FNDC9: variants seen among roughly 807,000 people sequenced by gnomAD.
FNDC9 encodes fibronectin type III domain-containing protein 9.
FNDC9 carries 3 observed loss-of-function variants against 9.0 expected under a neutral mutation model. That is an observed-to-expected ratio of 0.33 (90% CI 0.15 to 0.86). The LOEUF is 0.86. Among genes scored for constraint, FNDC9 ranks in the 40% least tolerant of loss-of-function variants. The probability of loss-of-function intolerance (pLI) is 0.53; values close to 1 mark genes in which losing one functional copy is unlikely to be tolerated. For synonymous variants in FNDC9, 114 were observed against 115.6 expected, an observed-to-expected ratio of 0.99 and a Z score of 0.09; for missense variants, 279 against 287.2, an observed-to-expected ratio of 0.97 and a Z score of 0.21.
In FNDC9 at chr5:157,342,291, A is replaced by G. The variant is rs552462393; in HGVS notation, c.*571T>C. The G allele has an allele frequency of 2.0e-5, 3 of 152,776 alleles. No individual in the cohort carries two copies. Among genetic ancestry groups the G allele is most frequent in the African/African-American group, 7.2e-5 (3 of 41,578 alleles). 9.5% of individuals were successfully genotyped at this position (152,776 alleles called of 1,614,324 possible). A position where few individuals can be genotyped will look rare whatever the true frequency, so the allele number is the denominator to read the frequency against. ...TACGCTTAAAAAATGAGTCAATTTAAAGGAAAGTATTATTAATAATAGTGA... is the reference window on the plus strand; with the variant it reads ...TACGCTTAAAAAATGAGTCAATTTAGAGGAAAGTATTATTAATAATAGTGA... On this transcript the variant is annotated 3_prime_UTR_variant, in exon 2 of 2. Coordinates refer to ENST00000312349, the MANE Select transcript of FNDC9 (RefSeq NM_001001343.4).
In FNDC9 at chr5:157,342,204, C is replaced by CAGCAGGGAGGTGCTGCA. The variant is rs774180291; in HGVS notation, c.*657_*658insTGCAGCACCTCCCTGCT. ...TCTTATGTCTCTTCCCTTCTGTTTGCAGCAGGAGGGTGCTGGTTTTTCACT... is the reference window on the plus strand; with the variant it reads ...TCTTATGTCTCTTCCCTTCTGTTTGCAGCAGGGAGGTGCTGCAAGCAGGAGGGTGCTGGTTTTTCACT... On this transcript the variant is annotated 3_prime_UTR_variant, in exon 2 of 2. Coordinates refer to ENST00000312349, the MANE Select transcript of FNDC9 (RefSeq NM_001001343.4). 1 of 152,560 alleles carries CAGCAGGGAGGTGCTGCA rather than the reference C, an allele frequency of 6.6e-6. No homozygotes were observed. The highest frequency in any genetic ancestry group is 1.5e-5 in the Non-Finnish European group (1 of 68,038). 9.5% of individuals were successfully genotyped at this position (152,560 alleles called of 1,614,324 possible).
intron 1 of FNDC9, among the ~76,000 whole-genome samples, chr5:157,344,685 A>AT (rs1762550574): frequency 6.6e-6 from 1 of 152,334 alleles, no homozygotes; most frequent in South Asian, 2.1e-4. Context: ...GCATATTCAC[A>AT]TAACAGTCTC....
At chr5:157,345,196 G>A (rs909225141) in intron 1 of FNDC9, among the ~76,000 whole-genome samples, 9 of 152,176 alleles carry the variant, frequency 5.9e-5, no homozygotes, top group Admixed American at 2.0e-4. Flanking sequence ...GATGAAAAGA[G>A]CTTAATTCAT....
rs554801952 is a variant in FNDC9 at position 157,343,017 on chromosome 5, C to G, written c.520G>C (p.Asp174His). Residue 174 changes from aspartate to histidine, a missense_variant, in exon 2 of 2, where the codon GAC becomes CAC. By Grantham distance (81) the Asp-to-His change is moderately conservative. Coordinates refer to ENST00000312349, the MANE Select transcript of FNDC9 (RefSeq NM_001001343.4). ...TCCACCAGGGGGAGCCCCTGCAGGTCTTCCTCCCTCTGACCAAGATCCGGG... is the reference window on the plus strand; with the variant it reads ...TCCACCAGGGGGAGCCCCTGCAGGTGTTCCTCCCTCTGACCAAGATCCGGG... ...EAPDLGQREE[D>H]LQGLPLVEMP... The G allele has an allele frequency of 8.0e-5, 129 of 1,614,206 alleles. 1 individual carries two copies. The South Asian group carries it at 9.9e-4, about 12-fold the overall frequency.
rs776189689 is a variant in FNDC9 at position 157,343,300 on chromosome 5, C to G, written c.237G>C (p.Lys79Asn). The G allele has an allele frequency of 6.2e-7, 1 of 1,614,202 alleles. No individual in the cohort carries two copies. The highest frequency in any genetic ancestry group is 8.5e-7 in the Non-Finnish European group (1 of 1,180,028). Residue 79 changes from lysine to asparagine, a missense_variant, in exon 2 of 2, where the codon AAG becomes AAC. Lys to Asn is a moderately conservative substitution (Grantham distance 94). Transcript: ENST00000312349. ...STLYFLCISC[K>N]KAAFPYRHYC... ...AGTGCCTGTAAGGGAAGGCAGCCTT[C>G]TTACAGCTGATGCACAGGAAGTAGA...
Position 157,343,459 on chromosome 5 carries a change from G to A in FNDC9, c.78C>T (p.Asp26=). 1 of 1,612,268 alleles carries A rather than the reference G, an allele frequency of 6.2e-7. No homozygotes were observed. The highest frequency in any genetic ancestry group is 1.1e-5 in the South Asian group (1 of 91,066). ...TGGGCCTGTACATAATATGGTAATA[G>A]TCCTCCAGGCAGGGCTCCGAGGACG... ...SWSSSEPCLE[D]YYHIMYRPNW... The change falls in exon 2 of 2, where the codon GAC becomes GAT. Residue 26 remains aspartate, a synonymous_variant. Transcript: ENST00000312349.
At position 157,342,849 on chromosome 5, in the gene FNDC9, C is replaced by G. The variant is rs765245315; in HGVS notation, c.*13G>C. Reference sequence around the variant, plus strand: ...CTTTAGGCTACATGATGCGGGCGCTCTCCTCCCCACTCTCATTCCCCACAA... The same window carrying G: ...CTTTAGGCTACATGATGCGGGCGCTGTCCTCCCCACTCTCATTCCCCACAA... On this transcript the variant is annotated 3_prime_UTR_variant, in exon 2 of 2. Coordinates refer to ENST00000312349, the MANE Select transcript of FNDC9 (RefSeq NM_001001343.4). 2 of 1,601,168 alleles carry G rather than the reference C, an allele frequency of 1.2e-6. No homozygotes were observed. The highest frequency in any genetic ancestry group is 1.7e-6 in the Non-Finnish European group (2 of 1,173,000).
Position 157,342,957 on chromosome 5 carries a change from G to A in FNDC9, c.580C>T (p.Leu194=). 1 of 1,614,226 alleles carries A rather than the reference G, an allele frequency of 6.2e-7. No homozygotes were observed. Among genetic ancestry groups the A allele is most frequent in the Middle Eastern group, 1.6e-4 (1 of 6,062 alleles). ...GCATCCTGGTTGGCTTCGGGATCCA[G>A]TTCAGCTCCATCTCTGGAGTTCTTG... The part of the protein sequence containing the change: ...PRKNSRDGAE[L]DPEANQDAPD... Residue 194 remains leucine, a synonymous_variant, in exon 2 of 2, where the codon CTG becomes TTG. Coordinates refer to ENST00000312349, the MANE Select transcript of FNDC9 (RefSeq NM_001001343.4).
Position 157,343,362 on chromosome 5 carries a change from T to G in FNDC9, c.175A>C (p.Ser59Arg), listed in dbSNP as rs779224574. The change falls in exon 2 of 2, where the codon AGC becomes CGC. Residue 59 changes from serine (S) to arginine (R), a missense_variant. Transcript: ENST00000312349. Reference protein sequence around the residue: ...HHEEKVPRTISSVVLEHLAPS... With the variant: ...HHEEKVPRTIRSVVLEHLAPS... ...GCAAGATGTTCCAGCACCACGGAGCTGATCGTTCGAGGCACCTTCTCCTCG... is the reference window on the plus strand; with the variant it reads ...GCAAGATGTTCCAGCACCACGGAGCGGATCGTTCGAGGCACCTTCTCCTCG... The G allele has an allele frequency of 1.9e-6, 3 of 1,614,062 alleles. No homozygotes were observed. The highest frequency in any genetic ancestry group is 1.7e-5 in the Admixed American group (1 of 60,008).
rs1227525900 is a variant in FNDC9, at chr5:157,341,986, G to A, written c.*876C>T. The A allele has an allele frequency of 1.3e-5, 2 of 152,448 alleles. No homozygotes were observed. Among genetic ancestry groups the A allele is most frequent in the African/African-American group, 4.8e-5 (2 of 41,436 alleles). The allele number at this position is 152,448 out of a possible 1,614,324, so 9.4% of individuals were successfully genotyped here. On this transcript the variant is annotated 3_prime_UTR_variant, in exon 2 of 2. Coordinates refer to ENST00000312349, the MANE Select transcript of FNDC9 (RefSeq NM_001001343.4). ...AAGTAAAAACAGCACTTCCCTTTTCGATTCTCTTTCAAACCTTATGCTATA... is the reference window on the plus strand; with the variant it reads ...AAGTAAAAACAGCACTTCCCTTTTCAATTCTCTTTCAAACCTTATGCTATA...
chr5:157,343,348 C>G lies in FNDC9; in HGVS notation c.189G>C (p.Leu63=). The G allele has an allele frequency of 1.2e-6, 2 of 1,614,178 alleles. No homozygotes were observed. Among genetic ancestry groups the G allele is most frequent in the Non-Finnish European group, 8.5e-7 (1 of 1,180,026 alleles). Residue 63 remains leucine, a synonymous_variant, in exon 2 of 2, where the codon CTG becomes CTC. Coordinates refer to ENST00000312349, the MANE Select transcript of FNDC9 (RefSeq NM_001001343.4). ...KVPRTISSVV[L]EHLAPSTLYF... ...AGAGAGTGGAAGGGGCAAGATGTTC[C>G]AGCACCACGGAGCTGATCGTTCGAG... is the stretch of plus-strand genomic sequence containing the variant.
chr5:157,342,908 C>A lies in FNDC9; in HGVS notation c.629G>T (p.Arg210Met), dbSNP rs143433635. The change falls in exon 2 of 2, where the codon AGG (arginine) becomes ATG (methionine). Residue 210 changes from arginine (R) to methionine (M), a missense_variant. Transcript: ENST00000312349. ...TATAGCGGGTGGGTCACCACCCCCC[C>A]TCTGTAAGGCACCCGCATCAGGGGC... ...QDAPDAGALQ[R>M]GGGDPPAILP... 6.2e-7 allele frequency: 1 copy of A among 1,614,130 alleles called. No individual in the cohort carries two copies. The highest frequency in any genetic ancestry group is 8.5e-7 in the Non-Finnish European group (1 of 1,179,976).
Position 157,341,602 on chromosome 5 carries a change from A to G in FNDC9, c.*1260T>C, listed in dbSNP as rs1762262701. 1 of 162,350 alleles carries G rather than the reference A, an allele frequency of 6.2e-6. No individual in the cohort carries two copies. Among genetic ancestry groups the G allele is most frequent in the Admixed American group, 6.0e-5 (1 of 16,774 alleles). 10.1% of individuals were successfully genotyped at this position (162,350 alleles called of 1,614,324 possible). A position where few individuals can be genotyped will look rare whatever the true frequency, so the allele number is the denominator to read the frequency against. On this transcript the variant is annotated 3_prime_UTR_variant, in exon 2 of 2. Transcript: ENST00000312349. Reference sequence around the variant, plus strand: ...TAAGATCCAGGCAGAAACAGCTGTGAGTATATGAATCTTTATTTGTTCACA... The same window carrying G: ...TAAGATCCAGGCAGAAACAGCTGTGGGTATATGAATCTTTATTTGTTCACA...
rs760024969 is a variant in FNDC9 at position 157,343,204 on chromosome 5, G to A, written c.333C>T (p.Ile111=). The A allele has an allele frequency of 6.2e-7, 1 of 1,614,230 alleles. No individual in the cohort carries two copies. Among genetic ancestry groups the A allele is most frequent in the African/African-American group, 1.3e-5 (1 of 75,064 alleles). ...APGSSLVDPQ[I]SLWVLMAILL... ...GAATGGCCATCAGCACCCAAAGGGA[G>A]ATCTGGGGGTCTACCAGGGAGCTTC... Residue 111 remains isoleucine (I), a synonymous_variant, in exon 2 of 2, where the codon ATC becomes ATT. Coordinates refer to ENST00000312349, the MANE Select transcript of FNDC9 (RefSeq NM_001001343.4).
chr5:157,343,577 CCT>C, intron 1 of FNDC9, 34 bp from the exon 2 acceptor site: 2 of 1,476,694 alleles, frequency 1.4e-6, no homozygotes, highest in South Asian at 2.6e-5. Flanking sequence ...AGTGACATCC[CCT>C]GATTTAAGTA....
In FNDC9 at chr5:157,343,497, T is replaced by C; in HGVS notation, c.40A>G (p.Ile14Val). 7 of 1,596,638 alleles carry C rather than the reference T, an allele frequency of 4.4e-6. No individual in the cohort carries two copies. Among genetic ancestry groups the C allele is most frequent in the Non-Finnish European group, 6.0e-6 (7 of 1,167,784 alleles). ...GGCTCCGAGGACGACCAGGAGATGA[T>C]GGCTCCTGTATAAGAAATGTTCCCC... is the stretch of plus-strand genomic sequence containing the variant. ...EVGNISYTGA[I>V]ISWSSSEPCL... The change falls in exon 2 of 2, where the codon ATC becomes GTC. Residue 14 changes from isoleucine (I) to valine (V), a missense_variant. Physicochemically the swap from Ile to Val is conservative, Grantham distance 29. Transcript: ENST00000312349.
At chr5:157,345,050 A>G (rs1457262798) in intron 1 of FNDC9, among the ~76,000 whole-genome samples, 1 of 152,240 alleles carries the variant, frequency 6.6e-6, no homozygotes, top group Non-Finnish European at 1.5e-5. Context: ...AACGAAAGGG[A>G]TGAGACGGAT....
Position 157,345,631 on chromosome 5 carries a change from C to G in FNDC9, c.-98G>C, listed in dbSNP as rs1161732913. 2 of 152,740 alleles carry G rather than the reference C, an allele frequency of 1.3e-5. No individual in the cohort carries two copies. Among genetic ancestry groups the G allele is most frequent in the Non-Finnish European group, 2.9e-5 (2 of 68,096 alleles). 9.5% of individuals were successfully genotyped at this position (152,740 alleles called of 1,614,324 possible). ...AATGGGGCCTTCTCCCTCCTCTGCT[C>G]TGGGCTTTCCGTGTTGTTTCTCTCA... On this transcript the variant is annotated 5_prime_UTR_variant, in exon 1 of 2. Transcript: ENST00000312349.
rs768654449 is a variant in FNDC9 at position 157,343,066 on chromosome 5, C to T, written c.471G>A (p.Gly157=). 7 of 1,614,220 alleles carry T rather than the reference C, an allele frequency of 4.3e-6. No individual in the cohort carries two copies. Among genetic ancestry groups the T allele is most frequent in the Non-Finnish European group, 5.1e-6 (6 of 1,180,022 alleles). ...YRAGHMEEAN[G]LVRWPEEAPD... is the part of the protein sequence containing the mutation. Reference sequence around the variant, plus strand: ...GGGCCTCCTCTGGCCATCTCACCAACCCATTGGCCTCCTCCATGTGGCCAG... The same window carrying T: ...GGGCCTCCTCTGGCCATCTCACCAATCCATTGGCCTCCTCCATGTGGCCAG... Residue 157 remains glycine, a synonymous_variant, in exon 2 of 2, where the codon GGG becomes GGA. Coordinates refer to ENST00000312349, the MANE Select transcript of FNDC9 (RefSeq NM_001001343.4).
Sources: gnomAD v4.1 joint callset for allele counts (sites outside exome capture counted in the v4.1 genomes callset) on GRCh38, gnomAD v4.1.1 for gene constraint, MANE v1.5 for transcripts, NCBI Gene and HGNC (gene_info 2026-07-23, HGNC 2026-07-21) for gene names.